CADPS: variants seen among roughly 807,000 people sequenced by gnomAD.
CADPS encodes the protein calcium dependent secretion activator, also known as calcium-dependent secretion activator 1.
A neutral mutation model predicts 167.3 loss-of-function variants in CADPS; 57 were observed. The observed-to-expected ratio is 0.34, with a 90% CI of 0.28 to 0.42. The LOEUF (loss-of-function observed/expected upper bound fraction) is 0.42. CADPS is among the 20% of genes least tolerant of loss of function. The pLI is 1.00. For synonymous variants in CADPS, 676 were observed against 635.3 expected, an observed-to-expected ratio of 1.06 and a Z score of -0.96; for missense variants, 1,414 against 1,738.1, an observed-to-expected ratio of 0.81 and a Z score of 3.32.
chr3:62,560,566 G>A (rs1345694990), intron 9 of CADPS, among the ~76,000 whole-genome samples: 1 of 152,192 alleles, frequency 6.6e-6, no homozygotes, highest in African/African-American at 2.4e-5. Context: ...GCACTTTGCA[G>A]AGAAGGGCTT....
chr3:62,654,276 C>T (rs1382438209), intron 4 of CADPS, among the ~76,000 whole-genome samples: 5 of 152,124 alleles, frequency 3.3e-5, no homozygotes, highest in Non-Finnish European at 7.3e-5. Flanking sequence ...AAACTGTCTT[C>T]CTTGAGCTTA....
intron 3 of CADPS, among the ~76,000 whole-genome samples, chr3:62,748,804 C>T (rs527515943): frequency 6.6e-6 from 1 of 152,150 alleles, no homozygotes; most frequent in African/African-American, 2.4e-5. Flanking sequence ...ACTTCCCAGG[C>T]TCAAGTGATC....
intron 6 of CADPS, among the ~76,000 whole-genome samples, chr3:62,614,128 T>A (rs2061903823): frequency 6.6e-6 from 1 of 152,198 alleles, no homozygotes; most frequent in African/African-American, 2.4e-5. Flanking sequence ...ACAGCTCCTA[T>A]TTATTGAGCA....
At chr3:62,585,761 C>A (rs372548263) in intron 7 of CADPS, among the ~76,000 whole-genome samples, 5 of 152,170 alleles carry the variant, frequency 3.3e-5, no homozygotes, top group South Asian at 2.1e-4. Context: ...TTCCTCAAGG[C>A]CCCCAGGGGA....
chr3:62,629,069 A>T (rs1579159102), intron 6 of CADPS, among the ~76,000 whole-genome samples: 1 of 152,170 alleles, frequency 6.6e-6, no homozygotes, highest in Non-Finnish European at 1.5e-5. Flanking sequence ...AGAAAAGAAC[A>T]TATGTAACAT....
At chr3:62,772,420 T>C (rs2089125328) in intron 1 of CADPS, among the ~76,000 whole-genome samples, 1 of 152,176 alleles carries the variant, frequency 6.6e-6, no homozygotes, top group Non-Finnish European at 1.5e-5. Context: ...ATGAACATAC[T>C]TGGTGGTATA....
At chr3:62,546,288 T>C (rs1301553549) in intron 11 of CADPS, among the ~76,000 whole-genome samples, 1 of 152,164 alleles carries the variant, frequency 6.6e-6, no homozygotes, top group African/African-American at 2.4e-5. Flanking sequence ...CTGTTTTTCA[T>C]CTTTCTTGCG....
chr3:62,475,160 C>A (rs532577910), intron 23 of CADPS, among the ~76,000 whole-genome samples: 2 of 152,130 alleles, frequency 1.3e-5, no homozygotes, highest in Non-Finnish European at 2.9e-5. Context: ...AAATTAGGAT[C>A]TCAGCAATGT....
At chr3:62,466,456 A>C in intron 24 of CADPS, 43 bp from the exon 25 acceptor site, 1 of 1,234,228 alleles carries the variant, frequency 8.1e-7, no homozygotes, top group Non-Finnish European at 1.2e-6. Context: ...TTGGGAGGTG[A>C]TGGCACTGCA....
At position 62,438,285 on chromosome 3, in the gene CADPS, C is replaced by T. The variant is rs1164079889; in HGVS notation, c.3670-74G>A. Reference sequence around the variant, plus strand: ...TTCCTTGTTTACCATTCACTTGTACCCTCTACTTGCCCTCACACACCCTGA... The same window carrying T: ...TTCCTTGTTTACCATTCACTTGTACTCTCTACTTGCCCTCACACACCCTGA... On this transcript the variant is annotated intron_variant, in intron 27 of 29. Coordinates refer to ENST00000383710, the MANE Select transcript of CADPS (RefSeq NM_003716.4). The surrounding 1 kb of genome is among the most constrained non-coding windows in gnomAD (Gnocchi z 4.7). The T allele has an allele frequency of 1.9e-6, 2 of 1,066,512 alleles. No homozygotes were observed. Among genetic ancestry groups the T allele is most frequent in the Non-Finnish European group, 2.9e-6 (2 of 695,988 alleles). The allele number at this position is 1,066,512 out of a possible 1,614,324, so 66.1% of individuals were successfully genotyped here.
chr3:62,699,800 C>T (rs1006762466), intron 3 of CADPS, among the ~76,000 whole-genome samples: 2 of 152,052 alleles, frequency 1.3e-5, no homozygotes, highest in African/African-American at 2.4e-5. Flanking sequence ...AACTCCTGGC[C>T]TCAAGTGATT....
intron 16 of CADPS, among the ~76,000 whole-genome samples, chr3:62,513,962 T>C (rs1352204268): frequency 6.6e-6 from 1 of 151,988 alleles, no homozygotes. Flanking sequence ...AAGAATACAA[T>C]GACCAAAACA....
At position 62,724,636 on chromosome 3, in the gene CADPS, T is replaced by TCA. The variant is rs149738602; in HGVS notation, c.888+28803_888+28804dup. Among the ~76,000 whole-genome samples the TCA allele has an allele frequency of 5.9e-5, 9 of 152,012 alleles. No homozygotes were observed. In the East Asian group the frequency reaches 1.5e-3, roughly 26 times the overall value. On this transcript the variant is annotated intron_variant, in intron 3 of 29. Transcript: ENST00000383710. The stretch of plus-strand genomic sequence containing the variant: ...ATTCTCATATATGTGGTGTTATGCG[T>TCA]CACACACACACAGTCTTTACCTTCC...
chr3:62,596,184 T>G (rs2058908915), intron 6 of CADPS, among the ~76,000 whole-genome samples: 1 of 137,506 alleles, frequency 7.3e-6, no homozygotes, highest in South Asian at 2.5e-4. Flanking sequence ...CCTAATACAA[T>G]GGGGTACAGA....
At chr3:62,584,953 C>T (rs1434310636) in intron 8 of CADPS, among the ~76,000 whole-genome samples, 1 of 152,070 alleles carries the variant, frequency 6.6e-6, no homozygotes, top group Non-Finnish European at 1.5e-5. Context: ...GTCCTAGAAA[C>T]CGTATTAGAG....
chr3:62,421,856 T>G lies in CADPS; in HGVS notation c.3777+16248A>C, dbSNP rs1366044105. Among the ~76,000 whole-genome samples, 1 of 152,218 alleles carries G rather than the reference T, an allele frequency of 6.6e-6. No homozygotes were observed. Among genetic ancestry groups the G allele is most frequent in the African/African-American group, 2.4e-5 (1 of 41,464 alleles). Reference sequence around the variant, plus strand: ...GGACTGTTAGGCTGCATGTCTCAAGTTATAAAAAGAAAAGCCGAGGGCAGA... The same window carrying G: ...GGACTGTTAGGCTGCATGTCTCAAGGTATAAAAAGAAAAGCCGAGGGCAGA... On this transcript the variant is annotated intron_variant, in intron 28 of 29. Coordinates refer to ENST00000383710, the MANE Select transcript of CADPS (RefSeq NM_003716.4). This position sits in a 1 kb window ranked among gnomAD's most constrained non-coding sequence, Gnocchi z 4.7.
At chr3:62,766,339 A>T (rs2086854202) in intron 1 of CADPS, among the ~76,000 whole-genome samples, 1 of 151,996 alleles carries the variant, frequency 6.6e-6, no homozygotes, top group Admixed American at 6.6e-5. Flanking sequence ...GCTACCACCC[A>T]TCTCTTCCCA....
intron 6 of CADPS, among the ~76,000 whole-genome samples, chr3:62,603,309 A>G (rs2060225825): frequency 6.6e-6 from 1 of 152,234 alleles, no homozygotes; most frequent in African/African-American, 2.4e-5. Flanking sequence ...TTGATTATCC[A>G]TGGACATTAT....
At chr3:62,540,645 A>G (rs1233737439) in intron 11 of CADPS, among the ~76,000 whole-genome samples, 1 of 152,120 alleles carries the variant, frequency 6.6e-6, no homozygotes, top group Admixed American at 6.6e-5. Flanking sequence ...GTCTCCATAC[A>G]TGTCTAGGAC....
Sources: allele counts gnomAD v4.1 joint callset (sites outside exome capture counted in the v4.1 genomes callset), GRCh38; gene constraint gnomAD v4.1.1; non-coding constraint Gnocchi (gnomAD v3.1); transcripts MANE v1.5; gene names NCBI Gene and HGNC (gene_info 2026-07-23, HGNC 2026-07-21).